Variants in ANKRD36B observed in about 807,000 individuals in gnomAD.
The protein encoded by ANKRD36B is ankyrin repeat domain-containing protein 36B.
A neutral mutation model predicts 135.7 loss-of-function variants in ANKRD36B; 37 were observed. The observed-to-expected ratio is 0.27, with a 90% CI of 0.21 to 0.36. ANKRD36B has a LOEUF of 0.36. ANKRD36B is among the 10% of genes least tolerant of loss of function. The probability of loss-of-function intolerance (pLI) is 1.00; values close to 1 mark genes in which losing one functional copy is unlikely to be tolerated. For missense variants in ANKRD36B, 549 were observed against 1,037.1 expected (o/e 0.53, Z 6.46); for synonymous variants, 179 against 348.1 (o/e 0.51, Z 5.41).
chr2:97,586,950 G>C (rs2083044910), intron 1 of ANKRD36B, among the ~76,000 whole-genome samples: 1 of 152,194 alleles, frequency 6.6e-6, no homozygotes, highest in Non-Finnish European at 1.5e-5. Flanking sequence ...GAGGCGGGGG[G>C]ATCACCTGAG....
chr2:97,526,184 T>C (rs1324058966), intron 35 of ANKRD36B, among the ~76,000 whole-genome samples: 1 of 96,336 alleles, frequency 1.0e-5, no homozygotes, highest in African/African-American at 3.1e-5. Flanking sequence ...CTCACATGGC[T>C]GGGTACTCCT....
chr2:97,527,521 A>G (rs981932581), intron 35 of ANKRD36B, among the ~76,000 whole-genome samples: 2 of 94,588 alleles, frequency 2.1e-5, no homozygotes, highest in African/African-American at 6.4e-5. Context: ...ACTAGCTAAC[A>G]TCATAATGCC....
At chr2:97,567,547 A>G (rs529418019) in intron 6 of ANKRD36B, among the ~76,000 whole-genome samples, 1 of 152,252 alleles carries the variant, frequency 6.6e-6, no homozygotes, top group South Asian at 2.1e-4. Flanking sequence ...GTTGTATGAC[A>G]GAAAATGGGG....
intron 43 of ANKRD36B, among the ~76,000 whole-genome samples, chr2:97,500,413 A>C (rs2077340585): frequency 9.9e-6 from 1 of 101,484 alleles, no homozygotes; most frequent in South Asian, 2.2e-4. Context: ...TACAGAATGT[A>C]GTTAAATCAA....
chr2:97,531,169 A>G lies in ANKRD36B; in HGVS notation c.2265+1142T>C, dbSNP rs1168835119. Among the ~76,000 whole-genome samples, 6 of 91,216 alleles carry G rather than the reference A, an allele frequency of 6.6e-5. 2 individuals are homozygous for G. Among genetic ancestry groups the G allele is most frequent in the Admixed American group, 4.9e-4 (5 of 10,224 alleles). 59.8% of individuals were successfully genotyped at this position (91,216 alleles called of 152,430 possible). A position where few individuals can be genotyped will look rare whatever the true frequency, so the allele number is the denominator to read the frequency against. ...TTGGAACCAACCCAAATGTCCAACA[A>G]TGATAGCCTGGATTAAGAAAATGTG... On this transcript the variant is annotated intron_variant, in intron 35 of 43. Transcript: ENST00000359901.
intron 4 of ANKRD36B, 61 bp from the exon 5 acceptor site, chr2:97,579,104 C>T: frequency 7.0e-7 from 1 of 1,432,352 alleles, no homozygotes; most frequent in African/African-American, 1.4e-5. Flanking sequence ...AGTTTATATA[C>T]TTTATCAACT....
At chr2:97,588,248 C>G (rs1312363366) in intron 1 of ANKRD36B, among the ~76,000 whole-genome samples, 1 of 152,064 alleles carries the variant, frequency 6.6e-6, no homozygotes, top group African/African-American at 2.4e-5. Context: ...AGTTAGCAGG[C>G]ACTTCATTTA....
At chr2:97,526,516 C>T (rs1412658389) in intron 35 of ANKRD36B, among the ~76,000 whole-genome samples, 1 of 97,150 alleles carries the variant, frequency 1.0e-5, no homozygotes, top group Admixed American at 9.1e-5. Flanking sequence ...TCCAAAGGAA[C>T]ACAGTTCCTC....
At chr2:97,583,268 A>G (rs2082735864) in intron 3 of ANKRD36B, among the ~76,000 whole-genome samples, 1 of 88,154 alleles carries the variant, frequency 1.1e-5, no homozygotes, top group Admixed American at 1.5e-4. Flanking sequence ...CACCAGAATG[A>G]TAACAAAGAG....
At chr2:97,549,148 C>A (rs2079786330) in intron 20 of ANKRD36B, among the ~76,000 whole-genome samples, 1 of 151,902 alleles carries the variant, frequency 6.6e-6, no homozygotes, top group Admixed American at 6.6e-5. Context: ...TGCTCTTCCC[C>A]AGAGCCCCTT....
chr2:97,554,686 C>T (rs190984024), intron 14 of ANKRD36B, among the ~76,000 whole-genome samples: 6 of 151,890 alleles, frequency 4.0e-5, no homozygotes, highest in East Asian at 1.9e-4. Flanking sequence ...ATCAGTTTTC[C>T]GTCTGTTTTT....
intron 3 of ANKRD36B, among the ~76,000 whole-genome samples, chr2:97,582,984 T>A (rs2082723868): frequency 6.6e-6 from 1 of 152,248 alleles, no homozygotes; most frequent in Admixed American, 6.5e-5. Context: ...TAACCTAATT[T>A]TTTTTATTTT....
At chr2:97,535,432 CCATAAA>C (rs2078821077) in intron 34 of ANKRD36B, among the ~76,000 whole-genome samples, 1 of 108,388 alleles carries the variant, frequency 9.2e-6, no homozygotes, top group Admixed American at 8.7e-5. Flanking sequence ...CTCATCTACT[CCATAAA>C]CATAAACACC....
chr2:97,539,851 C>T (rs1457188469), intron 30 of ANKRD36B, 183 bp downstream of exon 30: 3 of 305,672 alleles, frequency 9.8e-6, no homozygotes, highest in African/African-American at 5.1e-5. Flanking sequence ...AATCTTACTT[C>T]GAAGATCACG....
intron 20 of ANKRD36B, among the ~76,000 whole-genome samples, chr2:97,548,587 G>A (rs1018245872): frequency 6.6e-6 from 1 of 151,874 alleles, no homozygotes. Flanking sequence ...AAATAGCTTT[G>A]TTGGGAGTAT....
intron 6 of ANKRD36B, among the ~76,000 whole-genome samples, chr2:97,571,275 T>C (rs2081842710): frequency 6.6e-6 from 1 of 152,048 alleles, no homozygotes; most frequent in Non-Finnish European, 1.5e-5. Context: ...GATCAAAAGT[T>C]TGAGGCTGCA....
intron 3 of ANKRD36B, among the ~76,000 whole-genome samples, chr2:97,581,826 G>A (rs1001299523): frequency 6.6e-6 from 1 of 152,100 alleles, no homozygotes; most frequent in African/African-American, 2.4e-5. Context: ...TATTTGAGAT[G>A]GAGTCTCGCT....
rs1344001292 is a variant in ANKRD36B, at chr2:97,526,574, GAGA to G, written c.2266-3110_2266-3108del. Among the ~76,000 whole-genome samples, 11 of 97,796 alleles carry G rather than the reference GAGA, an allele frequency of 1.1e-4. 3 individuals carry two copies. Among genetic ancestry groups the G allele is most frequent in the African/African-American group, 2.1e-4 (7 of 32,646 alleles). 64.2% of individuals were successfully genotyped at this position (97,796 alleles called of 152,430 possible). A position where few individuals can be genotyped will look rare whatever the true frequency, so the allele number is the denominator to read the frequency against. On this transcript the variant is annotated intron_variant, in intron 35 of 43. Transcript: ENST00000359901. ...ACGGAGAATGACTTTGACAAGTTGA[GAGA>G]AGAAGGCTTCAGATGATCAAACTAC...
rs1185905014 is a variant in ANKRD36B, at chr2:97,589,786, C to T, written c.-101G>A. ...GCTCGCCTTCGGGGATCGCCGCCTC[C>T]GAAGAGCAACAACAGGCAAAGCAGT... On this transcript the variant is annotated 5_prime_UTR_variant, in exon 1 of 44. Coordinates refer to ENST00000359901, the MANE Select transcript of ANKRD36B (RefSeq NM_001393939.1). The T allele has an allele frequency of 6.4e-7, 1 of 1,571,896 alleles. No homozygotes were observed. Among genetic ancestry groups the T allele is most frequent in the South Asian group, 1.1e-5 (1 of 89,084 alleles).
Sources: gnomAD v4.1 joint callset for allele counts (sites outside exome capture counted in the v4.1 genomes callset) on GRCh38, gnomAD v4.1.1 for gene constraint, MANE v1.5 for transcripts, NCBI Gene and HGNC (gene_info 2026-07-23, HGNC 2026-07-21) for gene names.